PDE4D: variants seen among roughly 807,000 people sequenced by gnomAD.
PDE4D encodes the protein phosphodiesterase 4D, also known as 3',5'-cyclic-AMP phosphodiesterase 4D.
Under a neutral mutation model 87.4 loss-of-function variants are expected in PDE4D, and 24 were observed. That is an observed-to-expected ratio of 0.27 (90% CI 0.20 to 0.39). The LOEUF (loss-of-function observed/expected upper bound fraction) is 0.39, where lower values mean the gene tolerates loss of function less well. Ranked by LOEUF, PDE4D falls within the 10% of genes least tolerant of loss-of-function variation. PDE4D has a pLI of 1.00. For synonymous variants in PDE4D, 384 were observed against 383.2 expected (o/e 1.00, Z -0.02); for missense variants, 714 against 1,041.0 (o/e 0.69, Z 4.32).
At chr5:60,193,603 C>A (rs1413058678) in intron 1 of PDE4D, among the ~76,000 whole-genome samples, 3 of 126,824 alleles carry the variant, frequency 2.4e-5, no homozygotes, top group African/African-American at 8.9e-5. Flanking sequence ...CCCCAGGGGG[C>A]GGAGCCTGCA....
At chr5:59,821,532 G>T (rs980211085) in intron 1 of PDE4D, among the ~76,000 whole-genome samples, 2 of 152,036 alleles carry the variant, frequency 1.3e-5, no homozygotes, top group Admixed American at 1.3e-4. Context: ...ATAGTTTTTG[G>T]ATGTGTACAA....
intron 1 of PDE4D, among the ~76,000 whole-genome samples, chr5:59,337,263 T>C (rs1371120291): frequency 1.3e-5 from 2 of 151,944 alleles, no homozygotes; most frequent in African/African-American, 4.8e-5. Context: ...TAGCTTTTCA[T>C]GGTTCTTAAA....
intron 1 of PDE4D, among the ~76,000 whole-genome samples, chr5:60,493,448 A>G (rs1302202624): frequency 2.0e-5 from 3 of 152,314 alleles, no homozygotes; most frequent in Middle Eastern, 3.4e-3. Context: ...CCTCCCATTG[A>G]TGAGAAATTT....
rs369003414 is a variant in PDE4D at position 59,288,063 on chromosome 5, C to T, written c.456-72095G>A. Among the ~76,000 whole-genome samples the T allele has an allele frequency of 2.0e-4, 31 of 151,918 alleles. No individual in the cohort carries two copies. In the South Asian group the frequency reaches 4.6e-3, roughly 23 times the overall value. On this transcript the variant is annotated intron_variant, in intron 1 of 14. Transcript: ENST00000340635. Reference sequence around the variant, plus strand: ...CAACTCTTCAATGCCCAGACAACAACGAACATCCACAAGCATAAAGCCTAT... The same window carrying T: ...CAACTCTTCAATGCCCAGACAACAATGAACATCCACAAGCATAAAGCCTAT...
At chr5:58,996,498 A>G (rs1296276162) in intron 6 of PDE4D, among the ~76,000 whole-genome samples, 1 of 152,178 alleles carries the variant, frequency 6.6e-6, no homozygotes, top group Non-Finnish European at 1.5e-5. Context: ...AAGATAGGAG[A>G]TGAGGCAAAG....
At chr5:60,120,811 A>AT (rs1778609341) in intron 2 of PDE4D, among the ~76,000 whole-genome samples, 1 of 152,158 alleles carries the variant, frequency 6.6e-6, no homozygotes, top group South Asian at 2.1e-4. Flanking sequence ...GCGATAGTTA[A>AT]CACTGAGTGT....
chr5:59,214,226 A>G (rs1581417438), intron 2 of PDE4D, among the ~76,000 whole-genome samples: 1 of 152,114 alleles, frequency 6.6e-6, no homozygotes, highest in Non-Finnish European at 1.5e-5. Flanking sequence ...CTATGCAATC[A>G]TTCAACAATA....
chr5:60,461,259 A>G (rs1356769011), intron 1 of PDE4D, among the ~76,000 whole-genome samples: 1 of 152,168 alleles, frequency 6.6e-6, no homozygotes, highest in African/African-American at 2.4e-5. Flanking sequence ...GTTGGGGGGA[A>G]TCCCTGCCCC....
At chr5:59,031,193 T>C (rs1580404677) in intron 6 of PDE4D, among the ~76,000 whole-genome samples, 1 of 151,762 alleles carries the variant, frequency 6.6e-6, no homozygotes, top group Middle Eastern at 3.4e-3. Flanking sequence ...AATCTAAAAA[T>C]AGAACTACCA....
chr5:59,775,851 A>G (rs529827791), intron 1 of PDE4D, among the ~76,000 whole-genome samples: 1 of 152,092 alleles, frequency 6.6e-6, no homozygotes, highest in African/African-American at 2.4e-5. Flanking sequence ...TGCTATACCC[A>G]CCCCTGACCG....
At chr5:59,789,640 G>A (rs766932196) in intron 1 of PDE4D, among the ~76,000 whole-genome samples, 1 of 152,168 alleles carries the variant, frequency 6.6e-6, no homozygotes, top group Non-Finnish European at 1.5e-5. Context: ...TGAAAACTAT[G>A]CCCTGAATGC....
intron 5 of PDE4D, among the ~76,000 whole-genome samples, chr5:59,095,919 G>C (rs1039713980): frequency 1.3e-5 from 2 of 152,172 alleles, no homozygotes; most frequent in Non-Finnish European, 2.9e-5. Flanking sequence ...TCTTGATGAG[G>C]ATAGATTGCT....
chr5:60,446,676 A>G (rs1745668317), intron 1 of PDE4D, among the ~76,000 whole-genome samples: 1 of 152,156 alleles, frequency 6.6e-6, no homozygotes, highest in African/African-American at 2.4e-5. Flanking sequence ...AATACACAAC[A>G]CCGAAAGCAG....
chr5:60,027,661 G>A (rs10068194), intron 2 of PDE4D, among the ~76,000 whole-genome samples: 76,145 of 151,966 alleles, frequency 0.5, 19,583 homozygotes, highest in East Asian at 0.82. Flanking sequence ...TCAGTCACAG[G>A]CATATCCCCA....
intron 1 of PDE4D, among the ~76,000 whole-genome samples, chr5:59,747,781 TC>T (rs1027951613): frequency 4.6e-5 from 7 of 152,126 alleles, no homozygotes; most frequent in African/African-American, 1.7e-4. Flanking sequence ...CAATCAGCAC[TC>T]CCATTAAGGG....
chr5:59,346,669 CAT>C (rs1779652483), intron 1 of PDE4D, among the ~76,000 whole-genome samples: 3 of 152,198 alleles, frequency 2.0e-5, no homozygotes, highest in Middle Eastern at 3.4e-3. Context: ...AAAAGCAGCG[CAT>C]ACAACAGAAG....
intron 2 of PDE4D, among the ~76,000 whole-genome samples, chr5:59,212,735 T>C (rs1320338216): frequency 6.6e-6 from 1 of 152,082 alleles, no homozygotes; most frequent in African/African-American, 2.4e-5. Context: ...CTCCACTAAC[T>C]CACTGTGAGT....
chr5:59,929,941 C>A (rs1755707312), intron 3 of PDE4D, among the ~76,000 whole-genome samples: 1 of 152,050 alleles, frequency 6.6e-6, no homozygotes, highest in Non-Finnish European at 1.5e-5. Flanking sequence ...TAGCTTCATG[C>A]AAATATAATC....
chr5:60,149,935 CAT>C (rs1192542894), intron 2 of PDE4D, among the ~76,000 whole-genome samples: 23 of 145,198 alleles, frequency 1.6e-4, no homozygotes, highest in African/African-American at 3.5e-4. Flanking sequence ...CCTATATATA[CAT>C]ATGTTATATA....
Sources: allele counts gnomAD v4.1 joint callset (sites outside exome capture counted in the v4.1 genomes callset), GRCh38; gene constraint gnomAD v4.1.1; transcripts MANE v1.5; gene names NCBI Gene and HGNC (gene_info 2026-07-23, HGNC 2026-07-21).